The following KDM4B variants were observed in gnomAD, a reference collection of about 807,000 sequenced individuals.
The protein encoded by KDM4B is lysine-specific demethylase 4B.
In KDM4B, 32 loss-of-function variants were observed where a neutral mutation model predicts 125.2. The ratio of observed to expected loss-of-function variants is 0.26; its 90% CI spans 0.19 to 0.34. The LOEUF (loss-of-function observed/expected upper bound fraction) is 0.34. Ranked by LOEUF, KDM4B falls within the 10% of genes least tolerant of loss-of-function variation. KDM4B has a pLI of 1.00. For synonymous variants in KDM4B, 721 were observed against 677.9 expected, an observed-to-expected ratio of 1.06 and a Z score of -0.99; for missense variants, 1,190 against 1,577.7, an observed-to-expected ratio of 0.75 and a Z score of 4.16.
intron 9 of KDM4B, among the ~76,000 whole-genome samples, chr19:5,095,789 C>T (rs2038809160): frequency 6.6e-6 from 1 of 152,258 alleles, no homozygotes; most frequent in South Asian, 2.1e-4. Context: ...GGTCGGACTC[C>T]TCAACCTGGG....
chr19:5,124,378 G>A (rs993029954), intron 11 of KDM4B, among the ~76,000 whole-genome samples: 5 of 152,184 alleles, frequency 3.3e-5, no homozygotes, highest in African/African-American at 1.2e-4. Flanking sequence ...GCCCAGTCCT[G>A]GGAAGGCTTT....
At chr19:5,040,674 T>TCTGTCTGTGGCCTCCGCC (rs1555697812) in intron 4 of KDM4B, among the ~76,000 whole-genome samples, 8 of 149,992 alleles carry the variant, frequency 5.3e-5, no homozygotes, top group African/African-American at 2.0e-4. Flanking sequence ...TGCCCTCCTC[T>TCTGTCTGTGGCCTCCGCC]CTGTCTGTGG....
chr19:5,126,316 T>G (rs1242481063), intron 11 of KDM4B, among the ~76,000 whole-genome samples: 1 of 152,034 alleles, frequency 6.6e-6, no homozygotes. Flanking sequence ...TGCCCAGCGC[T>G]AGGAGGGACT....
chr19:5,149,515 A>G (rs779556015), intron 21 of KDM4B, among the ~76,000 whole-genome samples: 14 of 152,080 alleles, frequency 9.2e-5, no homozygotes, highest in Non-Finnish European at 1.9e-4. Flanking sequence ...TGATATGGGA[A>G]CCTTCTCCCC....
chr19:5,151,058 G>A (rs150191958), intron 22 of KDM4B, among the ~76,000 whole-genome samples: 1,581 of 152,310 alleles, frequency 0.01, 24 homozygotes, highest in African/African-American at 0.036. Flanking sequence ...GCCGCAGAGG[G>A]GTCCCTCGGA....
intron 9 of KDM4B, among the ~76,000 whole-genome samples, chr19:5,108,388 T>C (rs1050038858): frequency 6.6e-6 from 1 of 152,156 alleles, no homozygotes; most frequent in African/African-American, 2.4e-5. Flanking sequence ...GCCACAAATA[T>C]TCCCTCCTGC....
At chr19:5,137,124 GC>G (rs1361314495) in intron 15 of KDM4B, 137 bp from the exon 16 acceptor site, 4 of 640,132 alleles carry the variant, frequency 6.2e-6, no homozygotes, top group Non-Finnish European at 1.1e-5. Context: ...CCTGAATGCT[GC>G]AGCTGCGTGC....
chr19:5,088,987 A>G (rs985971279), intron 9 of KDM4B, among the ~76,000 whole-genome samples: 1 of 152,164 alleles, frequency 6.6e-6, no homozygotes, highest in Admixed American at 6.5e-5. Context: ...CCCCATTTCT[A>G]TGAAATGTCC....
chr19:4,982,591 T>TTC (rs551213682), intron 1 of KDM4B, among the ~76,000 whole-genome samples: 10,500 of 147,462 alleles, frequency 0.071, 1,027 homozygotes, highest in African/African-American at 0.22. Flanking sequence ...AAAAGTGATG[T>TTC]TCTCTCTCTC....
At chr19:5,031,108 G>C (rs192248732) in intron 2 of KDM4B, among the ~76,000 whole-genome samples, 42 of 152,376 alleles carry the variant, frequency 2.8e-4, no homozygotes, top group African/African-American at 1.0e-3. Context: ...ACAGTGCGCA[G>C]GCCCTGGGTG....
intron 4 of KDM4B, among the ~76,000 whole-genome samples, chr19:5,040,830 A>G (rs1377495080): frequency 6.6e-6 from 1 of 152,102 alleles, no homozygotes; most frequent in Non-Finnish European, 1.5e-5. Context: ...TCTTTGCCAC[A>G]CAGGGATGAC....
chr19:5,066,265 A>C (rs2037765725), intron 6 of KDM4B, among the ~76,000 whole-genome samples: 1 of 152,210 alleles, frequency 6.6e-6, no homozygotes, highest in Admixed American at 6.5e-5. Context: ...AAACACCTCA[A>C]AGTGTAAAAG....
chr19:4,974,448 T>TA (rs1480288900), intron 1 of KDM4B, among the ~76,000 whole-genome samples: 1 of 148,820 alleles, frequency 6.7e-6, no homozygotes, highest in East Asian at 2.0e-4. Flanking sequence ...ATACATAAAA[T>TA]AAAAAACTGG....
intron 11 of KDM4B, among the ~76,000 whole-genome samples, chr19:5,126,321 G>A (rs1430771527): frequency 2.0e-5 from 3 of 152,100 alleles, no homozygotes; most frequent in African/African-American, 7.2e-5. Context: ...AGCGCTAGGA[G>A]GGACTAGCAG....
chr19:5,022,192 G>A (rs540564021), intron 2 of KDM4B, among the ~76,000 whole-genome samples: 89 of 152,142 alleles, frequency 5.8e-4, no homozygotes, highest in Non-Finnish European at 1.1e-3. Context: ...CAGCACAGGC[G>A]GGCCCTGTGG....
At position 5,131,159 on chromosome 19, in the gene KDM4B, C is replaced by A; in HGVS notation, c.1399C>A (p.Pro467Thr). 6.4e-7 allele frequency: 1 copy of A among 1,560,044 alleles called. No individual in the cohort carries two copies. The highest frequency in any genetic ancestry group is 8.7e-7 in the Non-Finnish European group (1 of 1,152,410). The change falls in exon 12 of 23, where the codon CCG becomes ACG. Residue 467 changes from proline to threonine, a missense_variant. By Grantham distance (38) the Pro-to-Thr change is conservative. This residue lies in a region of KDM4B where 428 missense variants were observed against 405.1 expected (regional missense o/e 1.06). Transcript: ENST00000159111. ...CTTCGGCCTGCTGCCCCCACAGCTG[C>A]CGCCCCCGCCTGCTCACTTCCCCTC... ...KSFGLLPPQL[P>T]PPPAHFPSEE...
In KDM4B at chr19:5,147,351, G is replaced by A. The variant is rs376893706; in HGVS notation, c.3021+2449G>A. On this transcript the variant is annotated intron_variant, in intron 21 of 22. Coordinates refer to ENST00000159111, the MANE Select transcript of KDM4B (RefSeq NM_015015.3). ...ACGCAGCCCCCACCCTGGTGGCGAA[G>A]GAAGTGCTCCCAGGATCATTGTCAT... 1.4e-4 allele frequency among the ~76,000 whole-genome samples: 22 copies of A among 152,314 alleles called. No homozygotes were observed. The South Asian group carries it at 3.1e-3, about 22-fold the overall frequency.
At chr19:5,080,058 A>C (rs879084740) in intron 8 of KDM4B, among the ~76,000 whole-genome samples, 1 of 151,380 alleles carries the variant, frequency 6.6e-6, no homozygotes, top group Non-Finnish European at 1.5e-5. Context: ...TTCCCCCCCC[A>C]CCCCTATTTT....
intron 1 of KDM4B, among the ~76,000 whole-genome samples, chr19:5,001,570 A>G (rs765505187): frequency 4.6e-5 from 7 of 152,206 alleles, no homozygotes; most frequent in Non-Finnish European, 7.3e-5. Context: ...GGATTTTCAC[A>G]TTGGTGGAAG....
Sources: gnomAD v4.1 joint callset for allele counts (sites outside exome capture counted in the v4.1 genomes callset) on GRCh38, gnomAD v4.1.1 for gene constraint, gnomAD v4.1.1 regional missense constraint, MANE v1.5 for transcripts, NCBI Gene and HGNC (gene_info 2026-07-23, HGNC 2026-07-21) for gene names.